ACOT11: variants seen among roughly 807,000 people sequenced by gnomAD.
ACOT11 encodes acyl-coenzyme A thioesterase 11.
Under a neutral mutation model 77.5 loss-of-function variants are expected in ACOT11, and 69 were observed. The observed-to-expected ratio is 0.89, with a 90% CI of 0.73 to 1.09. The LOEUF (loss-of-function observed/expected upper bound fraction) is 1.09, where lower values mean the gene tolerates loss of function less well. Among genes scored for constraint, ACOT11 ranks in the 50% least tolerant of loss-of-function variants. The pLI is 0.00. For missense variants in ACOT11, 766 were observed against 813.7 expected (o/e 0.94, Z 0.71); for synonymous variants, 279 against 313.0 (o/e 0.89, Z 1.15).
At chr1:54,563,145 C>G (rs369942331) in intron 1 of ACOT11, among the ~76,000 whole-genome samples, 2 of 152,236 alleles carry the variant, frequency 1.3e-5, no homozygotes, top group South Asian at 2.1e-4. Context: ...GCGGCAAAGA[C>G]TCTGATTTTT....
At chr1:54,631,984 A>G (rs940752620) in intron 16 of ACOT11, among the ~76,000 whole-genome samples, 1 of 152,190 alleles carries the variant, frequency 6.6e-6, no homozygotes, top group African/African-American at 2.4e-5. Flanking sequence ...GGCAGGACTG[A>G]GAGTGGATAA....
chr1:54,582,270 G>T (rs947233305), intron 1 of ACOT11, among the ~76,000 whole-genome samples: 2 of 152,144 alleles, frequency 1.3e-5, no homozygotes, highest in African/African-American at 2.4e-5. Context: ...TGTGGCTTGG[G>T]AAGGGGGAGA....
At chr1:54,636,356 A>G (rs1644330647) in exon 17 of ACOT11, 1 of 152,238 alleles carries the variant, frequency 6.6e-6, no homozygotes, top group Non-Finnish European at 1.5e-5. Flanking sequence ...TCAGAAGGTA[A>G]ACACATGAAC....
chr1:54,590,411 C>A (rs1654666669), intron 3 of ACOT11, among the ~76,000 whole-genome samples: 1 of 151,930 alleles, frequency 6.6e-6, no homozygotes. Context: ...TGGGCAGTGG[C>A]CCTGGGGAAG....
chr1:54,618,802 C>T (rs1644200341), intron 15 of ACOT11, among the ~76,000 whole-genome samples: 1 of 152,174 alleles, frequency 6.6e-6, no homozygotes. Context: ...AGTCCCCACC[C>T]TAACACTTTC....
Position 54,548,329 on chromosome 1 carries a change from A to G in ACOT11, c.20A>G (p.Asn7Ser), listed in dbSNP as rs767432363. Residue 7 changes from asparagine to serine, a missense_variant, in exon 1 of 16, where the codon AAT (asparagine) becomes AGT (serine). By Grantham distance (46) the Asn-to-Ser change is conservative. Transcript: ENST00000343744. The part of the protein sequence containing the change: MIQNVG[N>S]HLRRGLASVF... ...GGCGCGATGATCCAGAATGTCGGAAATCACCTGCGACGGGTATGGAGGGTG... is the reference window on the plus strand; with the variant it reads ...GGCGCGATGATCCAGAATGTCGGAAGTCACCTGCGACGGGTATGGAGGGTG... 6.2e-7 allele frequency: 1 copy of G among 1,602,820 alleles called. No homozygotes were observed. Among genetic ancestry groups the G allele is most frequent in the Non-Finnish European group, 8.5e-7 (1 of 1,175,220 alleles).
At chr1:54,586,845 CAAGGAG>C (rs1654519275) in intron 3 of ACOT11, among the ~76,000 whole-genome samples, 2 of 152,154 alleles carry the variant, frequency 1.3e-5, no homozygotes, top group Non-Finnish European at 2.9e-5. Context: ...TTCTGGGATC[CAAGGAG>C]CAGGCTGAGC....
Position 54,584,591 on chromosome 1 carries a change from A to G in ACOT11, c.34-64A>G. ...AGACCCTAAGTTCTCAGGGCTGGAC[A>G]GACCTGGGAGACCCTGCAGCAAGCA... is the stretch of plus-strand genomic sequence containing the variant. On this transcript the variant is annotated intron_variant, in intron 1 of 15. Coordinates refer to ENST00000343744, the MANE Select transcript of ACOT11 (RefSeq NM_147161.4). This position sits in a 1 kb window ranked among gnomAD's most constrained non-coding sequence, Gnocchi z 6.3. The G allele has an allele frequency of 6.7e-7, 1 of 1,496,236 alleles. No individual in the cohort carries two copies. 92.7% of individuals were successfully genotyped at this position (1,496,236 alleles called of 1,614,324 possible).
intron 1 of ACOT11, among the ~76,000 whole-genome samples, chr1:54,581,333 G>T (rs901927360): frequency 6.6e-6 from 1 of 151,880 alleles, no homozygotes; most frequent in African/African-American, 2.4e-5. Flanking sequence ...CCAGTAGCCT[G>T]TGGGCCCAGT....
chr1:54,556,116 C>T (rs938900048), intron 1 of ACOT11, among the ~76,000 whole-genome samples: 1 of 152,112 alleles, frequency 6.6e-6, no homozygotes, highest in Non-Finnish European at 1.5e-5. Context: ...CCAGTTTTCC[C>T]AACATCAATT....
intron 4 of ACOT11, 23 bp downstream of exon 4, chr1:54,592,629 G>T: frequency 6.2e-7 from 1 of 1,612,570 alleles, no homozygotes; most frequent in South Asian, 1.1e-5. Context: ...GGCACTGCTT[G>T]GGAGTGGGTG....
chr1:54,588,891 G>A (rs1219644047), intron 3 of ACOT11, among the ~76,000 whole-genome samples: 4 of 152,164 alleles, frequency 2.6e-5, no homozygotes, highest in Non-Finnish European at 5.9e-5. Flanking sequence ...GGGGCCTGGA[G>A]CATGGTTGGT....
chr1:54,594,659 A>AG lies in ACOT11; in HGVS notation c.577dup (p.Asp193GlyfsTer18), dbSNP rs1240600587. 6.2e-7 allele frequency: 1 copy of AG among 1,613,804 alleles called. No individual in the cohort carries two copies. The highest frequency in any genetic ancestry group is 8.5e-7 in the Non-Finnish European group (1 of 1,179,894). On this transcript the variant is annotated frameshift_variant, in exon 6 of 16. Coordinates refer to ENST00000343744, the MANE Select transcript of ACOT11 (RefSeq NM_147161.4). LOFTEE classifies it high-confidence loss of function. ...CGCCTTGTCTATGCAGACACCATCA[A>AG]GGACCTCCTGGCCAACTGCGCCATT... is the stretch of plus-strand genomic sequence containing the variant.
chr1:54,639,006 C>T (rs1644346019), exon 17 of ACOT11: 1 of 151,810 alleles, frequency 6.6e-6, no homozygotes, highest in Non-Finnish European at 1.5e-5. Flanking sequence ...GCCTGGGCAA[C>T]ATGGTGAAAC....
chr1:54,559,412 A>G (rs1358863198), intron 1 of ACOT11, among the ~76,000 whole-genome samples: 6 of 151,964 alleles, frequency 3.9e-5, no homozygotes, highest in African/African-American at 1.5e-4. Flanking sequence ...GCTGCTCATC[A>G]CTCGGCCCGA....
At chr1:54,623,563 A>G (rs1644252071) in intron 15 of ACOT11, 1 of 622,856 alleles carries the variant, frequency 1.6e-6, no homozygotes, top group African/African-American at 1.8e-5. Flanking sequence ...TAACCCCTGA[A>G]GCCCCTCCTC....
chr1:54,597,137 A>G (rs958506464), intron 6 of ACOT11, 122 bp from the exon 7 acceptor site: 1 of 1,273,316 alleles, frequency 7.9e-7, no homozygotes, highest in Non-Finnish European at 1.1e-6. Flanking sequence ...CTCTGTGCTG[A>G]GTAAATAAAA....
intron 1 of ACOT11, among the ~76,000 whole-genome samples, chr1:54,556,283 T>C (rs565411149): frequency 6.6e-6 from 1 of 152,362 alleles, no homozygotes; most frequent in African/African-American, 2.4e-5. Flanking sequence ...TTTTGGTTAA[T>C]GTAGCTTTGT....
rs539292606 is a variant in ACOT11 at position 54,596,785 on chromosome 1, G to A, written c.608-474G>A. 4.9e-4 allele frequency among the ~76,000 whole-genome samples: 75 copies of A among 152,306 alleles called. 1 individual carries two copies. The South Asian group carries it at 0.015, about 31-fold the overall frequency. On this transcript the variant is annotated intron_variant, in intron 6 of 15. Transcript: ENST00000343744. ...AGACAAAGTTTCACCATGTTGGCCAGGCTGGTCTTGAACTCCTGGCCTCAA... is the reference window on the plus strand; with the variant it reads ...AGACAAAGTTTCACCATGTTGGCCAAGCTGGTCTTGAACTCCTGGCCTCAA...
Sources: allele counts gnomAD v4.1 joint callset (sites outside exome capture counted in the v4.1 genomes callset), GRCh38; gene constraint gnomAD v4.1.1; non-coding constraint Gnocchi (gnomAD v3.1); transcripts MANE v1.5; gene names NCBI Gene and HGNC (gene_info 2026-07-23, HGNC 2026-07-21).